ASAP1: variants seen among roughly 807,000 people sequenced by gnomAD.
ASAP1 encodes ArfGAP with SH3 domain, ankyrin repeat and PH domain 1.
A neutral mutation model predicts 145.2 loss-of-function variants in ASAP1; 43 were observed. The observed-to-expected ratio is 0.30, with a 90% CI of 0.23 to 0.38. The LOEUF (loss-of-function observed/expected upper bound fraction) is 0.38. Ranked by LOEUF, ASAP1 falls within the 10% of genes least tolerant of loss-of-function variation. The pLI is 1.00. For synonymous variants in ASAP1, 546 were observed against 515.5 expected, an observed-to-expected ratio of 1.06 and a Z score of -0.80; for missense variants, 1,018 against 1,355.3, an observed-to-expected ratio of 0.75 and a Z score of 3.91.
At chr8:130,390,758 C>T (rs1565275366) in intron 2 of ASAP1, among the ~76,000 whole-genome samples, 1 of 152,174 alleles carries the variant, frequency 6.6e-6, no homozygotes, top group Non-Finnish European at 1.5e-5. Context: ...GCTACTATCA[C>T]AAAAACAGAA....
intron 3 of ASAP1, among the ~76,000 whole-genome samples, chr8:130,304,192 G>A (rs1394455434): frequency 6.8e-6 from 1 of 148,052 alleles, no homozygotes; most frequent in Non-Finnish European, 1.5e-5. Context: ...AGTCTTTTTT[G>A]CCTTTTTGGC....
intron 3 of ASAP1, among the ~76,000 whole-genome samples, chr8:130,335,675 A>T (rs1458719373): frequency 6.6e-6 from 1 of 152,206 alleles, no homozygotes; most frequent in African/African-American, 2.4e-5. Flanking sequence ...ACAGTTGATC[A>T]AGAGTACAGC....
At chr8:130,332,134 T>G (rs1006403327) in intron 3 of ASAP1, among the ~76,000 whole-genome samples, 2 of 152,188 alleles carry the variant, frequency 1.3e-5, no homozygotes, top group Non-Finnish European at 2.9e-5. Flanking sequence ...ATGACCAACA[T>G]CTGAAATTTT....
At chr8:130,406,475 CTT>C (rs200416384) in intron 1 of ASAP1, among the ~76,000 whole-genome samples, 42 of 138,132 alleles carry the variant, frequency 3.0e-4, no homozygotes, top group Admixed American at 4.3e-4. Flanking sequence ...TACTTTAGTT[CTT>C]TTTTTTTTTT....
rs552781336 is a variant in ASAP1, at chr8:130,160,602, T to C, written c.910-638A>G. On this transcript the variant is annotated intron_variant, in intron 11 of 29. Coordinates refer to ENST00000518721, the MANE Select transcript of ASAP1 (RefSeq NM_018482.4). ...ACCAACAACATAGATGTAAAAAAGG[T>C]TGATTTATTATTAGCATTCCACTGA... 1.2e-4 allele frequency among the ~76,000 whole-genome samples: 18 copies of C among 151,594 alleles called. No individual in the cohort carries two copies. The East Asian group carries it at 2.7e-3, about 23-fold the overall frequency.
chr8:130,195,803 G>A (rs961740492), intron 5 of ASAP1, among the ~76,000 whole-genome samples: 4 of 152,184 alleles, frequency 2.6e-5, no homozygotes, highest in African/African-American at 7.2e-5. Flanking sequence ...ACTGCCAGCA[G>A]TATACAAATA....
chr8:130,370,937 T>C (rs1376858594), intron 2 of ASAP1, among the ~76,000 whole-genome samples: 2 of 152,204 alleles, frequency 1.3e-5, no homozygotes, highest in Admixed American at 1.3e-4. Context: ...GGGTTTCTTG[T>C]GAGGAGTGAC....
At chr8:130,079,453 A>G (rs555576577) in intron 26 of ASAP1, among the ~76,000 whole-genome samples, 1 of 152,326 alleles carries the variant, frequency 6.6e-6, no homozygotes, top group East Asian at 1.9e-4. Context: ...ACAGAACTTG[A>G]AAGAGTGCTA....
At chr8:130,288,389 A>G (rs887673149) in intron 3 of ASAP1, among the ~76,000 whole-genome samples, 1 of 152,118 alleles carries the variant, frequency 6.6e-6, no homozygotes, top group Admixed American at 6.5e-5. Flanking sequence ...ACAACTGTTA[A>G]TAAAGAGGAT....
chr8:130,295,983 A>G (rs1421402207), intron 3 of ASAP1, among the ~76,000 whole-genome samples: 2 of 152,164 alleles, frequency 1.3e-5, no homozygotes, highest in Non-Finnish European at 2.9e-5. Context: ...ATGCCACCCA[A>G]TTAAAGGGAT....
Position 130,187,075 on chromosome 8 carries a change from C to A in ASAP1, c.530+161G>T, listed in dbSNP as rs1398968538. Among the ~76,000 whole-genome samples, 3 of 152,124 alleles carry A rather than the reference C, an allele frequency of 2.0e-5. No individual in the cohort carries two copies. In the East Asian group the frequency reaches 5.8e-4, roughly 29 times the overall value. Reference sequence around the variant, plus strand: ...TAGGTCAGTGTACCCAACCTCTTAGCCCTAATAAGGATATGCTAGAGGATA... The same window carrying A: ...TAGGTCAGTGTACCCAACCTCTTAGACCTAATAAGGATATGCTAGAGGATA... On this transcript the variant is annotated intron_variant, in intron 7 of 29. Transcript: ENST00000518721.
At chr8:130,329,466 A>G (rs1007987693) in intron 3 of ASAP1, among the ~76,000 whole-genome samples, 5 of 152,130 alleles carry the variant, frequency 3.3e-5, no homozygotes, top group Admixed American at 2.6e-4. Context: ...ATTTCCCAAG[A>G]GCTATTAAGA....
chr8:130,071,574 T>C (rs910364544), intron 27 of ASAP1, among the ~76,000 whole-genome samples: 2 of 152,096 alleles, frequency 1.3e-5, no homozygotes, highest in Admixed American at 6.5e-5. Context: ...TGGAGATTAA[T>C]GGAGAGAAGG....
At chr8:130,419,844 C>A (rs1245882663) in intron 1 of ASAP1, among the ~76,000 whole-genome samples, 1 of 152,122 alleles carries the variant, frequency 6.6e-6, no homozygotes, top group South Asian at 2.1e-4. Context: ...TCGCTGTCTC[C>A]GGTTTCCAAT....
At chr8:130,343,113 AGCT>A (rs1825490588) in intron 3 of ASAP1, among the ~76,000 whole-genome samples, 1 of 152,184 alleles carries the variant, frequency 6.6e-6, no homozygotes, top group African/African-American at 2.4e-5. Context: ...GCAGGCTAGA[AGCT>A]GGCCATGTCT....
At chr8:130,256,746 TATATATATATATA>T (rs1819552023) in intron 3 of ASAP1, among the ~76,000 whole-genome samples, 2 of 32,406 alleles carry the variant, frequency 6.2e-5, no homozygotes, top group African/African-American at 2.3e-4. Flanking sequence ...TTCTTATATA[TATATATATATATA>T]TATATATATA....
At chr8:130,278,582 T>G (rs1156421084) in intron 3 of ASAP1, among the ~76,000 whole-genome samples, 1 of 152,226 alleles carries the variant, frequency 6.6e-6, no homozygotes, top group Non-Finnish European at 1.5e-5. Context: ...TTCTCTTTTT[T>G]TCCTTGATGC....
At position 130,116,998 on chromosome 8, in the gene ASAP1, G is replaced by A; in HGVS notation, c.1881-3C>T. On this transcript the variant is annotated splice_region_variant and splice_polypyrimidine_tract_variant and intron_variant, in intron 20 of 29. Transcript: ENST00000518721. Reference sequence around the variant, plus strand: ...CCGTCTGCTTATCCAGGTTCCCACTGAAAAATTAGATGATGATTAGAAAAA... The same window carrying A: ...CCGTCTGCTTATCCAGGTTCCCACTAAAAAATTAGATGATGATTAGAAAAA... The A allele has an allele frequency of 1.3e-6, 2 of 1,587,886 alleles. No individual in the cohort carries two copies. The highest frequency in any genetic ancestry group is 1.7e-6 in the Non-Finnish European group (2 of 1,165,966).
intron 3 of ASAP1, among the ~76,000 whole-genome samples, chr8:130,334,722 G>A (rs1824926612): frequency 6.6e-6 from 1 of 152,184 alleles, no homozygotes; most frequent in Non-Finnish European, 1.5e-5. Context: ...TGGCAGCCAT[G>A]TGCCATGTCA....
Sources: allele counts gnomAD v4.1 joint callset (sites outside exome capture counted in the v4.1 genomes callset), GRCh38; gene constraint gnomAD v4.1.1; transcripts MANE v1.5; gene names NCBI Gene and HGNC (gene_info 2026-07-23, HGNC 2026-07-21).